The following FGF12 variants were observed in gnomAD, a reference collection of about 807,000 sequenced individuals.
FGF12 encodes fibroblast growth factor 12.
A neutral mutation model predicts 23.6 loss-of-function variants in FGF12; 14 were observed. The ratio of observed to expected loss-of-function variants is 0.59; its 90% CI spans 0.39 to 0.93. FGF12 has a LOEUF of 0.93. FGF12 is among the 40% of genes least tolerant of loss of function. FGF12 has a pLI of 0.00. For missense variants in FGF12, 175 were observed against 217.8 expected (o/e 0.80, Z 1.24); for synonymous variants, 62 against 77.3 (o/e 0.80, Z 1.04).
At chr3:192,375,547 G>C (rs944183819) in intron 2 of FGF12, among the ~76,000 whole-genome samples, 1 of 152,106 alleles carries the variant, frequency 6.6e-6, no homozygotes, top group Non-Finnish European at 1.5e-5. Context: ...TTACTGGCTA[G>C]TATTTTAGTT....
At chr3:192,348,996 G>A (rs1416209840) in intron 3 of FGF12, among the ~76,000 whole-genome samples, 1 of 152,118 alleles carries the variant, frequency 6.6e-6, no homozygotes, top group African/African-American at 2.4e-5. Flanking sequence ...TGCTTGACAC[G>A]TAGGTGACCA....
At chr3:192,174,346 C>T (rs971185813) in intron 4 of FGF12, among the ~76,000 whole-genome samples, 3 of 152,160 alleles carry the variant, frequency 2.0e-5, no homozygotes, top group African/African-American at 7.2e-5. Context: ...ACTAAATTGA[C>T]AAATGGGGGA....
chr3:192,596,334 C>T (rs751947217), intron 2 of FGF12, among the ~76,000 whole-genome samples: 7 of 151,836 alleles, frequency 4.6e-5, no homozygotes, highest in Non-Finnish European at 1.0e-4. Flanking sequence ...GCAAAGAAAT[C>T]CTAGTAGCCT....
At chr3:192,532,167 T>C (rs1164259394) in intron 2 of FGF12, among the ~76,000 whole-genome samples, 1 of 152,204 alleles carries the variant, frequency 6.6e-6, no homozygotes, top group Non-Finnish European at 1.5e-5. Flanking sequence ...GTAGTATAAT[T>C]TGAAGTTGGG....
In FGF12 at chr3:192,575,926, A is replaced by G. The variant is rs75355614; in HGVS notation, c.13+151255T>C. Among the ~76,000 whole-genome samples, 1,128 of 152,300 alleles carry G rather than the reference A, an allele frequency of 7.4e-3. 10 individuals carry two copies. The highest frequency in any genetic ancestry group is 0.025 in the African/African-American group (1,055 of 41,550). On this transcript the variant is annotated intron_variant, in intron 2 of 5. Coordinates refer to ENST00000445105, the MANE Select transcript of FGF12 (RefSeq NM_004113.6). ...AGGTTATATTCTATGATAAATATGA[A>G]AAAGGTACTTGAAAAAAATAACTAA...
intron 4 of FGF12, among the ~76,000 whole-genome samples, chr3:192,314,455 C>T (rs1377382615): frequency 6.6e-6 from 1 of 152,168 alleles, no homozygotes; most frequent in African/African-American, 2.4e-5. Context: ...ATCTCTTCCT[C>T]TGTGCCTCTT....
intron 2 of FGF12, among the ~76,000 whole-genome samples, chr3:192,630,604 G>C (rs1715351174): frequency 6.7e-6 from 1 of 149,902 alleles, no homozygotes; most frequent in Admixed American, 6.7e-5. Flanking sequence ...CCAGGCTGGA[G>C]TGCAGTGGCG....
chr3:192,660,784 A>T (rs1387085847), intron 2 of FGF12, among the ~76,000 whole-genome samples: 2 of 151,518 alleles, frequency 1.3e-5, no homozygotes, highest in East Asian at 1.9e-4. Flanking sequence ...AATCTATTAC[A>T]CTCTCATGGA....
At chr3:192,549,702 A>G (rs1047065677) in intron 2 of FGF12, among the ~76,000 whole-genome samples, 8 of 152,182 alleles carry the variant, frequency 5.3e-5, no homozygotes, top group Non-Finnish European at 8.8e-5. Context: ...TTATCCATCA[A>G]TTGAAGACCT....
intron 2 of FGF12, among the ~76,000 whole-genome samples, chr3:192,657,979 G>GGT (rs1553844654): frequency 2.2e-4 from 32 of 148,632 alleles, no homozygotes; most frequent in Middle Eastern, 3.5e-3. Flanking sequence ...GACTATTTGG[G>GGT]TTTTTTTTTT....
At chr3:192,614,289 A>G (rs1714666468) in intron 2 of FGF12, among the ~76,000 whole-genome samples, 1 of 151,816 alleles carries the variant, frequency 6.6e-6, no homozygotes, top group Non-Finnish European at 1.5e-5. Flanking sequence ...ACAATCTGCT[A>G]CAAAGATCCT....
intron 2 of FGF12, among the ~76,000 whole-genome samples, chr3:192,651,369 G>A (rs964555447): frequency 7.2e-5 from 11 of 152,100 alleles, no homozygotes; most frequent in Non-Finnish European, 1.2e-4. Context: ...ATACCCTAGA[G>A]TCTTCCAGGT....
chr3:192,699,399 A>G (rs1718225109), intron 2 of FGF12, among the ~76,000 whole-genome samples: 1 of 152,204 alleles, frequency 6.6e-6, no homozygotes, highest in Admixed American at 6.6e-5. Context: ...TATACTTGAA[A>G]CATCAGCACC....
chr3:192,142,988 A>T lies in FGF12; in HGVS notation c.*1021T>A, dbSNP rs955980555. On this transcript the variant is annotated 3_prime_UTR_variant, in exon 6 of 6. Transcript: ENST00000445105. ...CTAATTTCCTAGGACTTATTTCCTTATGTAAAACCCCTGTTCTTTCTTTCC... is the reference window on the plus strand; with the variant it reads ...CTAATTTCCTAGGACTTATTTCCTTTTGTAAAACCCCTGTTCTTTCTTTCC... 1 of 152,096 alleles carries T rather than the reference A, an allele frequency of 6.6e-6. No homozygotes were observed. The highest frequency in any genetic ancestry group is 2.1e-4 in the South Asian group (1 of 4,830). 9.4% of individuals were successfully genotyped at this position (152,096 alleles called of 1,614,324 possible). A position where few individuals can be genotyped will look rare whatever the true frequency, so the allele number is the denominator to read the frequency against.
At chr3:192,335,489 A>G (rs1312084235) in intron 3 of FGF12, 25 bp from the exon 4 acceptor site, 2 of 1,399,430 alleles carry the variant, frequency 1.4e-6, no homozygotes, top group African/African-American at 2.8e-5. Context: ...AGAAGGGCGG[A>G]AAGGATCAGT....
chr3:192,427,909 C>T (rs1251671184), intron 2 of FGF12, among the ~76,000 whole-genome samples: 1 of 152,152 alleles, frequency 6.6e-6, no homozygotes, highest in Non-Finnish European at 1.5e-5. Context: ...AAACAATATC[C>T]CTCTTGATTT....
chr3:192,723,605 T>C (rs1719106387), intron 2 of FGF12, among the ~76,000 whole-genome samples: 1 of 152,088 alleles, frequency 6.6e-6, no homozygotes, highest in Non-Finnish European at 1.5e-5. Flanking sequence ...CCAGCAGTAA[T>C]GCCCTACATC....
At chr3:192,725,041 A>T (rs890822945) in intron 2 of FGF12, among the ~76,000 whole-genome samples, 1 of 152,232 alleles carries the variant, frequency 6.6e-6, no homozygotes, top group Non-Finnish European at 1.5e-5. Flanking sequence ...TGTACACGGC[A>T]GCATAAAATG....
At chr3:192,654,261 A>G (rs1233217196) in intron 2 of FGF12, among the ~76,000 whole-genome samples, 1 of 152,236 alleles carries the variant, frequency 6.6e-6, no homozygotes, top group East Asian at 1.9e-4. Flanking sequence ...TGTGCTTCCC[A>G]GGTCCTTCCT....
Sources: gnomAD v4.1 joint callset for allele counts (sites outside exome capture counted in the v4.1 genomes callset) on GRCh38, gnomAD v4.1.1 for gene constraint, MANE v1.5 for transcripts, NCBI Gene and HGNC (gene_info 2026-07-23, HGNC 2026-07-21) for gene names.